MYO3A: variants seen among roughly 807,000 people sequenced by gnomAD.
MYO3A encodes myosin IIIA, also known as myosin-IIIa.
A neutral mutation model predicts 192.7 loss-of-function variants in MYO3A; 180 were observed. That is an observed-to-expected ratio of 0.93 (90% confidence interval 0.83 to 1.06). MYO3A has a LOEUF of 1.06. Among genes scored for constraint, MYO3A ranks in the 50% least tolerant of loss-of-function variants. The pLI is 0.00. For missense variants in MYO3A, 1,896 were observed against 1,905.0 expected (o/e 1.00, Z 0.09); for synonymous variants, 628 against 645.3 (o/e 0.97, Z 0.41).
intron 8 of MYO3A, chr10:26,022,078 A>G (rs1453692850): frequency 6.5e-6 from 1 of 153,212 alleles, no homozygotes; most frequent in African/African-American, 2.4e-5. Flanking sequence ...AAAATTATAT[A>G]TAAAATTTAT....
At chr10:25,977,898 T>C (rs1260655225) in intron 4 of MYO3A, among the ~76,000 whole-genome samples, 5 of 152,122 alleles carry the variant, frequency 3.3e-5, no homozygotes, top group African/African-American at 1.2e-4. Context: ...CTCAGTATTT[T>C]GGGGAGACAG....
chr10:26,212,282 C>T lies in MYO3A; in HGVS notation c.*319C>T, dbSNP rs993121165. The T allele has an allele frequency of 2.3e-6, 1 of 426,114 alleles. No individual in the cohort carries two copies. Among genetic ancestry groups the T allele is most frequent in the Non-Finnish European group, 4.1e-6 (1 of 241,468 alleles). The allele number at this position is 426,114 out of a possible 1,614,324, so 26.4% of individuals were successfully genotyped here. A position where few individuals can be genotyped will look rare whatever the true frequency, so the allele number is the denominator to read the frequency against. ...ATCACTTTGTTCTTTTTTTTTGTGACTCCTGTGGACTCCACTGCGCCTGGG... is the reference window on the plus strand; with the variant it reads ...ATCACTTTGTTCTTTTTTTTTGTGATTCCTGTGGACTCCACTGCGCCTGGG... On this transcript the variant is annotated 3_prime_UTR_variant, in exon 35 of 35. Coordinates refer to ENST00000642920, the MANE Select transcript of MYO3A (RefSeq NM_017433.5).
chr10:25,997,028 G>A lies in MYO3A; in HGVS notation c.409-131G>A, dbSNP rs540711543. 353 of 704,280 alleles carry A rather than the reference G, an allele frequency of 5.0e-4. 2 individuals are homozygous for A. The South Asian group carries it at 5.8e-3, about 12-fold the overall frequency. 43.6% of individuals were successfully genotyped at this position (704,280 alleles called of 1,614,324 possible). A position where few individuals can be genotyped will look rare whatever the true frequency, so the allele number is the denominator to read the frequency against. On this transcript the variant is annotated intron_variant, in intron 5 of 34. Transcript: ENST00000642920. ...TGTTCTTTGATGTGACTAACTCAAT[G>A]TGAAACATTTGAGTGTCTGAATGTT...
chr10:26,112,144 A>G (rs533685999), intron 17 of MYO3A, among the ~76,000 whole-genome samples: 8 of 152,350 alleles, frequency 5.3e-5, no homozygotes, highest in African/African-American at 1.2e-4. Flanking sequence ...GACAAATATA[A>G]TTATTTATTT....
chr10:25,965,577 A>G (rs1163267035), intron 4 of MYO3A, among the ~76,000 whole-genome samples: 1 of 151,950 alleles, frequency 6.6e-6, no homozygotes, highest in Non-Finnish European at 1.5e-5. Context: ...CCCCGAGTCC[A>G]CTGTCTCTGG....
intron 17 of MYO3A, among the ~76,000 whole-genome samples, chr10:26,110,870 T>C (rs1047041384): frequency 8.9e-6 from 1 of 111,766 alleles, no homozygotes; most frequent in East Asian, 2.3e-4. Context: ...TTTTCTTTTC[T>C]TTTTTTTTTT....
intron 17 of MYO3A, among the ~76,000 whole-genome samples, chr10:26,099,279 G>A (rs1316421343): frequency 6.6e-6 from 1 of 152,208 alleles, no homozygotes; most frequent in Non-Finnish European, 1.5e-5. Flanking sequence ...AGACTTTGCT[G>A]AAGTTGCTTA....
At chr10:26,039,041 G>T (rs1588838670) in intron 10 of MYO3A, among the ~76,000 whole-genome samples, 1 of 151,518 alleles carries the variant, frequency 6.6e-6, no homozygotes, top group East Asian at 1.9e-4. Flanking sequence ...TTGTTTGTTT[G>T]TTTGTTTGTT....
chr10:26,159,938 A>AT (rs1014988644), intron 26 of MYO3A, among the ~76,000 whole-genome samples: 10 of 152,128 alleles, frequency 6.6e-5, no homozygotes, highest in African/African-American at 1.9e-4. Flanking sequence ...AAAAAATGGA[A>AT]TTTTTTTATT....
chr10:26,033,900 G>C (rs897421282), intron 10 of MYO3A, among the ~76,000 whole-genome samples: 2 of 152,126 alleles, frequency 1.3e-5, no homozygotes, highest in Non-Finnish European at 2.9e-5. Flanking sequence ...AAGGAGATAA[G>C]CTGACAGAAA....
intron 20 of MYO3A, 134 bp downstream of exon 20, chr10:26,128,672 C>T (rs1487217525): frequency 2.1e-6 from 2 of 948,582 alleles, no homozygotes; most frequent in Non-Finnish European, 3.1e-6. Context: ...TTATTATCTC[C>T]ACGTCCATAG....
At chr10:26,021,819 T>A in intron 8 of MYO3A, 171 bp downstream of exon 8, 1 of 860,640 alleles carries the variant, frequency 1.2e-6, no homozygotes, top group Non-Finnish European at 1.8e-6. Context: ...TGTTCAGTAG[T>A]TGCATTTCCC....
chr10:26,111,728 T>A (rs945999446), intron 17 of MYO3A, among the ~76,000 whole-genome samples: 1 of 152,178 alleles, frequency 6.6e-6, no homozygotes, highest in African/African-American at 2.4e-5. Context: ...GGTCATAAGA[T>A]CAATGTTGCT....
At chr10:26,133,661 A>G (rs962906837) in intron 20 of MYO3A, among the ~76,000 whole-genome samples, 2 of 152,176 alleles carry the variant, frequency 1.3e-5, no homozygotes, top group African/African-American at 4.8e-5. Context: ...TGGCACAATC[A>G]AGACTCACTG....
Position 26,039,833 on chromosome 10 carries a change from T to A in MYO3A, c.953+13301T>A, listed in dbSNP as rs193152199. ...TATCTTTAAAAAATCAACTTTTTGT[T>A]TCATTGATCTTTTGTATTGTTTTCT... is the stretch of plus-strand genomic sequence containing the variant. On this transcript the variant is annotated intron_variant, in intron 10 of 34. Coordinates refer to ENST00000642920, the MANE Select transcript of MYO3A (RefSeq NM_017433.5). Among the ~76,000 whole-genome samples the A allele has an allele frequency of 4.6e-5, 7 of 151,360 alleles. No individual in the cohort carries two copies. The East Asian group carries it at 1.4e-3, about 29-fold the overall frequency.
chr10:26,032,026 A>G (rs1249766024), intron 10 of MYO3A, among the ~76,000 whole-genome samples: 1 of 152,226 alleles, frequency 6.6e-6, no homozygotes, highest in Non-Finnish European at 1.5e-5. Flanking sequence ...ACAATGCAAA[A>G]TAACTTTAAT....
intron 10 of MYO3A, among the ~76,000 whole-genome samples, chr10:26,055,566 C>T (rs180796609): frequency 1.3e-5 from 2 of 152,280 alleles, no homozygotes; most frequent in East Asian, 1.9e-4. Flanking sequence ...ATTCCAGTCA[C>T]AGGTGGCCTC....
intron 15 of MYO3A, among the ~76,000 whole-genome samples, chr10:26,094,923 A>G (rs1452210545): frequency 6.6e-6 from 1 of 152,206 alleles, no homozygotes; most frequent in African/African-American, 2.4e-5. Flanking sequence ...AAAGAATTCA[A>G]AGGCTCCTCT....
At chr10:26,160,843 G>A (rs1216645887) in intron 26 of MYO3A, among the ~76,000 whole-genome samples, 1 of 152,028 alleles carries the variant, frequency 6.6e-6, no homozygotes, top group Non-Finnish European at 1.5e-5. Context: ...AAAAACAATT[G>A]TGTTAAAATT....
Sources: allele counts gnomAD v4.1 joint callset (sites outside exome capture counted in the v4.1 genomes callset), GRCh38; gene constraint gnomAD v4.1.1; transcripts MANE v1.5; gene names NCBI Gene and HGNC (gene_info 2026-07-23, HGNC 2026-07-21).